The following DIP2C variants were observed in gnomAD, a reference collection of about 807,000 sequenced individuals.
DIP2C encodes the protein disco-interacting protein 2 homolog C.
In DIP2C, 33 loss-of-function variants were observed where a neutral mutation model predicts 192.4. The observed-to-expected ratio is 0.17, with a 90% CI of 0.13 to 0.23. The LOEUF is 0.23. Among genes scored for constraint, DIP2C ranks in the 10% least tolerant of loss-of-function variants. The probability of loss-of-function intolerance (pLI) is 1.00; values close to 1 mark genes in which losing one functional copy is unlikely to be tolerated. For synonymous variants in DIP2C, 979 were observed against 864.1 expected, an observed-to-expected ratio of 1.13 and a Z score of -2.33; for missense variants, 1,537 against 2,110.1, an observed-to-expected ratio of 0.73 and a Z score of 5.32.
At chr10:340,246 C>T (rs769960063) in intron 29 of DIP2C, among the ~76,000 whole-genome samples, 3 of 151,000 alleles carry the variant, frequency 2.0e-5, no homozygotes, top group East Asian at 1.9e-4. Context: ...CATACTGTAG[C>T]GTCTCAGTTT....
intron 1 of DIP2C, among the ~76,000 whole-genome samples, chr10:489,306 G>A (rs940086212): frequency 6.6e-6 from 1 of 152,200 alleles, no homozygotes; most frequent in Non-Finnish European, 1.5e-5. Flanking sequence ...ACTTTTACAT[G>A]CCGTCCTTTA....
chr10:588,627 G>A (rs934911108), intron 1 of DIP2C, among the ~76,000 whole-genome samples: 2 of 152,228 alleles, frequency 1.3e-5, no homozygotes. Context: ...AGAGGCTCGT[G>A]GACCCAAAGC....
intron 1 of DIP2C, among the ~76,000 whole-genome samples, chr10:644,238 A>G (rs968365573): frequency 6.6e-6 from 1 of 152,232 alleles, no homozygotes; most frequent in Non-Finnish European, 1.5e-5. Context: ...GCCGGGCCCA[A>G]GAGTGGGGAT....
rs1215265976 is a variant in DIP2C at position 689,133 on chromosome 10, G to A, written c.85+361C>T. ...TCCTGCGTCCCCGCGCGGCGCCCAG[G>A]CCCCACAGACACCCCCAGGGCGCGG... On this transcript the variant is annotated intron_variant, in intron 1 of 36. Coordinates refer to ENST00000280886, the MANE Select transcript of DIP2C (RefSeq NM_014974.3). This position sits in a 1 kb window ranked among gnomAD's most constrained non-coding sequence, Gnocchi z 6.1. Among the ~76,000 whole-genome samples the A allele has an allele frequency of 1.3e-5, 2 of 151,602 alleles. No homozygotes were observed. The highest frequency in any genetic ancestry group is 2.0e-4 in the East Asian group (1 of 5,110).
chr10:530,856 C>A (rs1183505611), intron 1 of DIP2C, among the ~76,000 whole-genome samples: 1 of 152,088 alleles, frequency 6.6e-6, no homozygotes, highest in East Asian at 1.9e-4. Flanking sequence ...AACTCCTGTA[C>A]AGTTTGTTAA....
chr10:344,435 C>T (rs1421554196), intron 28 of DIP2C, among the ~76,000 whole-genome samples: 2 of 151,996 alleles, frequency 1.3e-5, no homozygotes, highest in Non-Finnish European at 2.9e-5. Flanking sequence ...GCAAGGGCGG[C>T]ATCTGAGCTG....
chr10:560,731 T>C (rs1349267354), intron 1 of DIP2C, among the ~76,000 whole-genome samples: 3 of 152,178 alleles, frequency 2.0e-5, no homozygotes, highest in African/African-American at 7.2e-5. Context: ...TAGGCCCCCC[T>C]GGCCATCTCA....
intron 10 of DIP2C, among the ~76,000 whole-genome samples, chr10:398,113 T>C (rs886713484): frequency 3.3e-5 from 5 of 152,252 alleles, no homozygotes; most frequent in African/African-American, 1.2e-4. Context: ...TAAAGCTCTC[T>C]CTTGTGGGGA....
chr10:615,874 G>A (rs762925362), intron 1 of DIP2C, among the ~76,000 whole-genome samples: 1 of 152,172 alleles, frequency 6.6e-6, no homozygotes, highest in Non-Finnish European at 1.5e-5. Flanking sequence ...CAGCCCAGAT[G>A]CCAGAGTTTG....
chr10:586,791 C>A (rs1472009683), intron 1 of DIP2C, among the ~76,000 whole-genome samples: 1 of 152,234 alleles, frequency 6.6e-6, no homozygotes, highest in African/African-American at 2.4e-5. Context: ...ATGGCTTATC[C>A]ACTCATGGTA....
At position 351,006 on chromosome 10, in the gene DIP2C, C is replaced by T. The variant is rs556034687; in HGVS notation, c.2986-1552G>A. Among the ~76,000 whole-genome samples, 20 of 151,724 alleles carry T rather than the reference C, an allele frequency of 1.3e-4. No homozygotes were observed. The South Asian group carries it at 3.8e-3, about 28-fold the overall frequency. On this transcript the variant is annotated intron_variant, in intron 24 of 36. Coordinates refer to ENST00000280886, the MANE Select transcript of DIP2C (RefSeq NM_014974.3). Reference sequence around the variant, plus strand: ...AATGCATGAGTGTAGGGATGGAGCGCGCGGCGGGCCTGGCAAGGCTGTCGG... The same window carrying T: ...AATGCATGAGTGTAGGGATGGAGCGTGCGGCGGGCCTGGCAAGGCTGTCGG...
rs60269783 is a variant in DIP2C at position 512,922 on chromosome 10, G to GAAAAA, written c.86-26397_86-26393dup. 1.0e-3 allele frequency among the ~76,000 whole-genome samples: 96 copies of GAAAAA among 92,178 alleles called. 2 individuals are homozygous for GAAAAA. Among genetic ancestry groups the GAAAAA allele is most frequent in the African/African-American group, 2.4e-3 (56 of 22,948 alleles). The allele number at this position is 92,178 out of a possible 152,430, so 60.5% of individuals were successfully genotyped here. On this transcript the variant is annotated intron_variant, in intron 1 of 36. Coordinates refer to ENST00000280886, the MANE Select transcript of DIP2C (RefSeq NM_014974.3). ...TGACAACAGCGAGACCCCACTTCAGGAAAAAAAAAAAAAAAAAAAAAAGGG... is the reference window on the plus strand; with the variant it reads ...TGACAACAGCGAGACCCCACTTCAGGAAAAAAAAAAAAAAAAAAAAAAAAAAAGGG...
intron 1 of DIP2C, among the ~76,000 whole-genome samples, chr10:567,363 T>C (rs556818254): frequency 6.6e-6 from 1 of 152,270 alleles, no homozygotes; most frequent in East Asian, 1.9e-4. Context: ...AGCTAATTTT[T>C]TTATTCTTAG....
At chr10:422,249 C>T (rs930512502) in intron 5 of DIP2C, among the ~76,000 whole-genome samples, 1 of 152,180 alleles carries the variant, frequency 6.6e-6, no homozygotes, top group Non-Finnish European at 1.5e-5. Context: ...CGACGTGAGG[C>T]CCATCACCGC....
chr10:277,993 C>G lies in DIP2C; in HGVS notation c.4419-416G>C, dbSNP rs76277643. Among the ~76,000 whole-genome samples the G allele has an allele frequency of 6.0e-4, 91 of 152,340 alleles. 2 individuals are homozygous for G. In the East Asian group the frequency reaches 0.017, roughly 29 times the overall value. On this transcript the variant is annotated intron_variant, in intron 36 of 36. Coordinates refer to ENST00000280886, the MANE Select transcript of DIP2C (RefSeq NM_014974.3). ...GCCCTGTGCCTCCTGCTTCCAGACC[C>G]CCAGCTCTGCTGCTGAGGGCCGTGC... is the stretch of plus-strand genomic sequence containing the variant.
At chr10:297,651 A>G (rs1315031910) in intron 32 of DIP2C, among the ~76,000 whole-genome samples, 1 of 152,240 alleles carries the variant, frequency 6.6e-6, no homozygotes, top group African/African-American at 2.4e-5. Context: ...AAAGTAGAAC[A>G]GTGCATACTG....
intron 1 of DIP2C, among the ~76,000 whole-genome samples, chr10:653,107 T>C (rs1255947447): frequency 6.6e-6 from 1 of 151,690 alleles, no homozygotes; most frequent in African/African-American, 2.4e-5. Flanking sequence ...GGGTGACGTC[T>C]GTACTGCCTT....
chr10:411,089 T>C (rs932423886), intron 8 of DIP2C, among the ~76,000 whole-genome samples: 2 of 152,114 alleles, frequency 1.3e-5, no homozygotes, highest in African/African-American at 4.8e-5. Flanking sequence ...AGAGACACCA[T>C]CAACCACGCA....
At chr10:371,884 G>A (rs1197156106) in intron 17 of DIP2C, among the ~76,000 whole-genome samples, 2 of 152,142 alleles carry the variant, frequency 1.3e-5, no homozygotes, top group Non-Finnish European at 1.5e-5. Context: ...TACGAGAGCC[G>A]GAATACGCTA....
Sources: gnomAD v4.1 joint callset for allele counts (sites outside exome capture counted in the v4.1 genomes callset) on GRCh38, gnomAD v4.1.1 for gene constraint, Gnocchi (gnomAD v3.1) non-coding constraint, MANE v1.5 for transcripts, NCBI Gene and HGNC (gene_info 2026-07-23, HGNC 2026-07-21) for gene names.